MAP2K2: variants seen among roughly 807,000 people sequenced by gnomAD.
MAP2K2 encodes dual specificity mitogen-activated protein kinase kinase 2.
Under a neutral mutation model 43.7 loss-of-function variants are expected in MAP2K2, and 24 were observed. That is an observed-to-expected ratio of 0.55 (90% CI 0.40 to 0.77). The LOEUF is 0.77. MAP2K2 is among the 30% of genes least tolerant of loss of function. The pLI, the probability that MAP2K2 is intolerant of heterozygous loss-of-function variation, is 0.00. For synonymous variants in MAP2K2, 244 were observed against 239.7 expected (o/e 1.02, Z -0.17); for missense variants, 470 against 566.8 (o/e 0.83, Z 1.73).
intron 2 of MAP2K2, among the ~76,000 whole-genome samples, chr19:4,113,657 T>C (rs2041183623): frequency 6.6e-6 from 1 of 152,172 alleles, no homozygotes; most frequent in African/African-American, 2.4e-5. Flanking sequence ...CCAGCTCTAA[T>C]AGCTGATTAA....
chr19:4,103,141 G>C (rs1310142997), intron 3 of MAP2K2: 1 of 993,470 alleles, frequency 1.0e-6, no homozygotes, highest in Non-Finnish European at 1.2e-6. Context: ...CGCCAGCCCA[G>C]GTGACGGTAA....
intron 7 of MAP2K2, 23 bp from the exon 8 acceptor site, chr19:4,097,366 G>A (rs2040934785): frequency 1.2e-6 from 2 of 1,601,522 alleles, no homozygotes; most frequent in Middle Eastern, 1.7e-4. Flanking sequence ...AGAGATGGAG[G>A]TGAGATGGGC....
intron 3 of MAP2K2, chr19:4,104,921 G>C (rs28579444): frequency 0.014 from 2,093 of 152,308 alleles, 28 homozygotes; most frequent in Middle Eastern, 0.061. Context: ...TCCACTCCAC[G>C]CCAGGAGCAT....
At position 4,092,408 on chromosome 19, in the gene MAP2K2, G is replaced by C. The variant is rs189978284; in HGVS notation, c.1093-1700C>G. Among the ~76,000 whole-genome samples the C allele has an allele frequency of 1.3e-4, 20 of 152,234 alleles. No individual in the cohort carries two copies. The East Asian group carries it at 3.9e-3, about 29-fold the overall frequency. On this transcript the variant is annotated intron_variant, in intron 10 of 10. Transcript: ENST00000262948. ...GTTCGAGACTGGCCTGGTCAACATG[G>C]TGAAACCCCATCTCTACTAAAAACA... is the stretch of plus-strand genomic sequence containing the variant.
chr19:4,108,707 G>A (rs1032304265), intron 3 of MAP2K2, among the ~76,000 whole-genome samples: 14 of 152,092 alleles, frequency 9.2e-5, no homozygotes, highest in African/African-American at 2.9e-4. Flanking sequence ...GGTTGGGGGC[G>A]GGTTGCCACA....
chr19:4,099,530 T>C (rs1446782132), intron 6 of MAP2K2, 116 bp from the exon 7 acceptor site: 9 of 822,554 alleles, frequency 1.1e-5, no homozygotes, highest in African/African-American at 3.4e-5. Flanking sequence ...ACCGCAGCAA[T>C]GGATAGAGAG....
At chr19:4,114,499 G>A (rs2041196574) in intron 2 of MAP2K2, among the ~76,000 whole-genome samples, 1 of 152,198 alleles carries the variant, frequency 6.6e-6, no homozygotes, top group African/African-American at 2.4e-5. Flanking sequence ...TCTGCTATGA[G>A]CATGGACAAT....
rs569837376 is a variant in MAP2K2 at position 4,123,732 on chromosome 19, G to A, written c.92+52C>T. The A allele has an allele frequency of 5.1e-5, 72 of 1,400,570 alleles. No homozygotes were observed. The East Asian group carries it at 1.5e-3, about 29-fold the overall frequency. 86.8% of individuals were successfully genotyped at this position (1,400,570 alleles called of 1,614,324 possible). On this transcript the variant is annotated intron_variant, in intron 1 of 10. Transcript: ENST00000262948. The stretch of plus-strand genomic sequence containing the variant: ...GTCCCCTCGCCCCGTCCTTCCCCGA[G>A]GGCTCCCTGCCCCGTGCACCCCAAG...
intron 7 of MAP2K2, among the ~76,000 whole-genome samples, chr19:4,097,851 G>A (rs796721334): frequency 1.7e-4 from 26 of 152,034 alleles, no homozygotes; most frequent in East Asian, 5.8e-4. Flanking sequence ...CCTTCTGCCC[G>A]TCCTGAAATG....
At position 4,099,278 on chromosome 19, in the gene MAP2K2, C is replaced by G. The variant is rs1332074575; in HGVS notation, c.842G>C (p.Arg281Pro). Residue 281 changes from arginine to proline, a missense_variant, in exon 7 of 11, where the codon CGG (arginine) becomes CCG (proline). Arg to Pro is a moderately radical substitution (Grantham distance 103). This residue lies in a region of MAP2K2 where 212 missense variants were observed against 220.8 expected (regional missense o/e 0.96). Coordinates refer to ENST00000262948, the MANE Select transcript of MAP2K2 (RefSeq NM_030662.4). ...DAKELEAIFG[R>P]PVVDGEEGEP... Reference sequence around the variant, plus strand: ...TCCTTCTTCCCCGTCGACCACGGGCCGGCCAAAGATGGCCTCCAGCTCTTT... The same window carrying G: ...TCCTTCTTCCCCGTCGACCACGGGCGGGCCAAAGATGGCCTCCAGCTCTTT... 6.2e-7 allele frequency: 1 copy of G among 1,606,122 alleles called. No individual in the cohort carries two copies. The highest frequency in any genetic ancestry group is 1.1e-5 in the South Asian group (1 of 89,984).
chr19:4,101,688 G>A lies in MAP2K2; in HGVS notation c.529-408C>T, dbSNP rs2041014387. Among the ~76,000 whole-genome samples the A allele has an allele frequency of 6.6e-6, 1 of 152,152 alleles. No homozygotes were observed. The highest frequency in any genetic ancestry group is 2.4e-5 in the African/African-American group (1 of 41,436). On this transcript the variant is annotated intron_variant, in intron 4 of 10. Transcript: ENST00000262948. This position sits in a 1 kb window ranked among gnomAD's most constrained non-coding sequence, Gnocchi z 6.3. The stretch of plus-strand genomic sequence containing the variant: ...AGGGCCCCCAGATGGGACGGGCTAA[G>A]GGTGCCTGGGAAGGACGATGTTTCC...
chr19:4,094,965 A>G (rs1292139888), intron 9 of MAP2K2: 4 of 351,320 alleles, frequency 1.1e-5, no homozygotes, highest in Admixed American at 8.5e-5. Flanking sequence ...TCTGCGGCAC[A>G]TGCCTGTGAA....
At chr19:4,099,548 G>A (rs942306367) in intron 6 of MAP2K2, 134 bp from the exon 7 acceptor site, 10 of 739,242 alleles carry the variant, frequency 1.4e-5, no homozygotes, top group Non-Finnish European at 1.8e-5. Context: ...GAGCTGTTAC[G>A]CAATTCTACC....
At chr19:4,116,823 G>A (rs981655646) in intron 2 of MAP2K2, among the ~76,000 whole-genome samples, 4 of 151,998 alleles carry the variant, frequency 2.6e-5, no homozygotes, top group South Asian at 4.2e-4. Context: ...CCAGCTACTC[G>A]GGAGGCTGAG....
intron 10 of MAP2K2, among the ~76,000 whole-genome samples, chr19:4,092,545 C>G (rs1367661236): frequency 6.6e-6 from 1 of 151,864 alleles, no homozygotes. Flanking sequence ...GCCGAGATTG[C>G]GCCACTGCAC....
intron 3 of MAP2K2, among the ~76,000 whole-genome samples, chr19:4,104,299 C>T (rs934551495): frequency 2.0e-5 from 3 of 147,302 alleles, no homozygotes; most frequent in Non-Finnish European, 4.4e-5. Context: ...CACGTGGTGG[C>T]GCACACCTAT....
intron 1 of MAP2K2, among the ~76,000 whole-genome samples, chr19:4,117,992 C>T (rs1181361451): frequency 2.0e-5 from 3 of 152,062 alleles, no homozygotes; most frequent in Non-Finnish European, 4.4e-5. Context: ...GGCTGGAATG[C>T]AGTGGCGCGA....
Position 4,101,985 on chromosome 19 carries a change from C to G in MAP2K2, c.528+391G>C, listed in dbSNP as rs1424499592. On this transcript the variant is annotated intron_variant, in intron 4 of 10. Transcript: ENST00000262948. This position sits in a 1 kb window ranked among gnomAD's most constrained non-coding sequence, Gnocchi z 6.3. ...GACGCCCTTGGCCCCGGTGACATTT[C>G]TAACAGCAATGGTGAGTGTGTCTGG... Among the ~76,000 whole-genome samples the G allele has an allele frequency of 2.0e-5, 3 of 152,162 alleles. No homozygotes were observed. Among genetic ancestry groups the G allele is most frequent in the Non-Finnish European group, 4.4e-5 (3 of 68,026 alleles).
At chr19:4,120,812 G>A (rs1029165474) in intron 1 of MAP2K2, among the ~76,000 whole-genome samples, 7 of 152,154 alleles carry the variant, frequency 4.6e-5, no homozygotes, top group Admixed American at 3.9e-4. Flanking sequence ...TCAAGAGATG[G>A]GAATCAAACC....
Sources: allele counts gnomAD v4.1 joint callset (sites outside exome capture counted in the v4.1 genomes callset), GRCh38; gene constraint gnomAD v4.1.1; regional missense constraint gnomAD v4.1.1; non-coding constraint Gnocchi (gnomAD v3.1); transcripts MANE v1.5; gene names NCBI Gene and HGNC (gene_info 2026-07-23, HGNC 2026-07-21).